ADGB: variants seen among roughly 807,000 people sequenced by gnomAD.
ADGB encodes the protein androglobin, also known as calpain-7-like protein.
Under a neutral mutation model 210.5 loss-of-function variants are expected in ADGB, and 172 were observed. The ratio of observed to expected loss-of-function variants is 0.82; its 90% confidence interval spans 0.72 to 0.93. The LOEUF is 0.93. Among genes scored for constraint, ADGB ranks in the 40% least tolerant of loss-of-function variants. The pLI is 0.00. For synonymous variants in ADGB, 658 were observed against 662.7 expected, an observed-to-expected ratio of 0.99 and a Z score of 0.11; for missense variants, 2,025 against 1,964.8, an observed-to-expected ratio of 1.03 and a Z score of -0.58.
At chr6:146,670,851 C>T (rs890844123) in intron 7 of ADGB, among the ~76,000 whole-genome samples, 1 of 152,112 alleles carries the variant, frequency 6.6e-6, no homozygotes, top group Admixed American at 6.6e-5. Flanking sequence ...TACTAGAATA[C>T]TAGGAGAGCG....
intron 1 of ADGB, among the ~76,000 whole-genome samples, chr6:146,634,529 A>G (rs928985647): frequency 6.6e-6 from 1 of 152,060 alleles, no homozygotes; most frequent in Non-Finnish European, 1.5e-5. Context: ...TACCTATTTT[A>G]CACTTTAAAA....
In ADGB at chr6:146,784,640, A is replaced by G; in HGVS notation, c.4058A>G (p.Gln1353Arg). The change falls in exon 31 of 36, where the codon CAA becomes CGA. Residue 1353 changes from glutamine to arginine, a missense_variant. Transcript: ENST00000397944. ...EPQISTVHPQQEDPNKPYWIL... is the reference protein window; with the variant it reads ...EPQISTVHPQREDPNKPYWIL... ...CAGATATCCACTGTTCACCCTCAACAAGAAGACCCAAATAAACCCTACTGG... is the reference window on the plus strand; with the variant it reads ...CAGATATCCACTGTTCACCCTCAACGAGAAGACCCAAATAAACCCTACTGG... 6.5e-7 allele frequency: 1 copy of G among 1,549,344 alleles called. No individual in the cohort carries two copies.
chr6:146,709,951 T>C (rs1303614205), intron 13 of ADGB, among the ~76,000 whole-genome samples: 2 of 152,118 alleles, frequency 1.3e-5, no homozygotes, highest in Non-Finnish European at 2.9e-5. Flanking sequence ...TTGATGTTTT[T>C]GCAGGGGGCA....
intron 35 of ADGB, among the ~76,000 whole-genome samples, chr6:146,806,545 C>T (rs939454634): frequency 6.6e-6 from 1 of 152,184 alleles, no homozygotes; most frequent in Non-Finnish European, 1.5e-5. Flanking sequence ...CTGATTCTGA[C>T]ATCCAGCTTT....
At chr6:146,689,470 G>C (rs1776273079) in intron 10 of ADGB, among the ~76,000 whole-genome samples, 2 of 152,008 alleles carry the variant, frequency 1.3e-5, no homozygotes, top group South Asian at 4.1e-4. Flanking sequence ...TTATAAATAG[G>C]TGCTAATACT....
At chr6:146,727,332 T>G (rs2114578957) in intron 19 of ADGB, among the ~76,000 whole-genome samples, 1 of 152,278 alleles carries the variant, frequency 6.6e-6, no homozygotes, top group East Asian at 1.9e-4. Context: ...TTCCCAGGGC[T>G]GCCTCCTCTG....
At chr6:146,662,995 T>C (rs939268687) in intron 5 of ADGB, among the ~76,000 whole-genome samples, 3 of 146,022 alleles carry the variant, frequency 2.1e-5, no homozygotes, top group African/African-American at 7.5e-5. Context: ...AATATATATC[T>C]TAATCTTAAT....
chr6:146,715,295 A>G, intron 13 of ADGB, 87 bp from the exon 14 acceptor site: 1 of 1,135,958 alleles, frequency 8.8e-7, no homozygotes, highest in Non-Finnish European at 1.2e-6. Flanking sequence ...AGTTTAAAAA[A>G]ACTATATTAG....
chr6:146,779,072 A>C (rs1302924492), intron 29 of ADGB, among the ~76,000 whole-genome samples: 1 of 152,014 alleles, frequency 6.6e-6, no homozygotes, highest in Non-Finnish European at 1.5e-5. Flanking sequence ...GAAAAAAAAA[A>C]AAAAAACAGC....
At chr6:146,664,418 T>A (rs1775910541) in intron 6 of ADGB, 78 bp downstream of exon 6, 1 of 1,365,554 alleles carries the variant, frequency 7.3e-7, no homozygotes, top group African/African-American at 1.5e-5. Flanking sequence ...TTGCATAATT[T>A]ATTTTTTTAA....
chr6:146,730,889 A>C (rs1776972746), intron 20 of ADGB, among the ~76,000 whole-genome samples: 1 of 152,178 alleles, frequency 6.6e-6, no homozygotes, highest in Non-Finnish European at 1.5e-5. Flanking sequence ...CAGTAAGCTG[A>C]GATCACGCCA....
intron 9 of ADGB, among the ~76,000 whole-genome samples, chr6:146,681,249 C>T (rs934697358): frequency 4.6e-5 from 7 of 151,974 alleles, no homozygotes; most frequent in African/African-American, 1.7e-4. Context: ...AAGATCTGGT[C>T]GTTTAAAACT....
At chr6:146,726,053 C>A (rs1286685787) in intron 18 of ADGB, 30 bp from the exon 19 acceptor site, 3 of 1,422,930 alleles carry the variant, frequency 2.1e-6, no homozygotes, top group African/African-American at 2.8e-5. Context: ...AGGAAGCACT[C>A]GGTTATCATC....
At chr6:146,673,177 T>C (rs1004165959) in intron 8 of ADGB, among the ~76,000 whole-genome samples, 2 of 152,238 alleles carry the variant, frequency 1.3e-5, no homozygotes, top group African/African-American at 4.8e-5. Context: ...AGCATAACAA[T>C]AATTATCTTG....
At chr6:146,736,241 C>A (rs1444823525) in intron 22 of ADGB, among the ~76,000 whole-genome samples, 1 of 152,064 alleles carries the variant, frequency 6.6e-6, no homozygotes, top group African/African-American at 2.4e-5. Context: ...TGATGACTAT[C>A]TTAAATTAGG....
chr6:146,651,820 A>G (rs765523974), intron 3 of ADGB, among the ~76,000 whole-genome samples: 1 of 152,146 alleles, frequency 6.6e-6, no homozygotes, highest in Non-Finnish European at 1.5e-5. Flanking sequence ...GAGGGAAACT[A>G]AGTTTTACAG....
At chr6:146,607,486 A>G (rs939316074) in intron 1 of ADGB, among the ~76,000 whole-genome samples, 37 of 152,156 alleles carry the variant, frequency 2.4e-4, no homozygotes, top group African/African-American at 8.9e-4. Context: ...CTCAAGGGGA[A>G]TGCTTCCAAC....
chr6:146,795,690 G>A (rs1415152459), intron 33 of ADGB, among the ~76,000 whole-genome samples: 2 of 152,154 alleles, frequency 1.3e-5, no homozygotes, highest in Non-Finnish European at 2.9e-5. Context: ...CTTATACATT[G>A]TTGGTGGGAG....
At chr6:146,688,284 T>C (rs1436462729) in intron 10 of ADGB, among the ~76,000 whole-genome samples, 1 of 150,912 alleles carries the variant, frequency 6.6e-6, no homozygotes, top group Non-Finnish European at 1.5e-5. Context: ...TATGGTTAAA[T>C]GAATGAAAAA....
Sources: gnomAD v4.1 joint callset for allele counts (sites outside exome capture counted in the v4.1 genomes callset) on GRCh38, gnomAD v4.1.1 for gene constraint, MANE v1.5 for transcripts, NCBI Gene and HGNC (gene_info 2026-07-23, HGNC 2026-07-21) for gene names.